ZNF536: variants seen among roughly 807,000 people sequenced by gnomAD.
ZNF536 encodes the protein zinc finger protein 536.
ZNF536 carries 13 observed loss-of-function variants against 84.5 expected under a neutral mutation model. The observed-to-expected ratio is 0.15, with a 90% CI of 0.10 to 0.24. ZNF536 has a LOEUF of 0.24. Among genes scored for constraint, ZNF536 ranks in the 10% least tolerant of loss-of-function variants. The probability of loss-of-function intolerance (pLI) is 1.00; values close to 1 mark genes in which losing one functional copy is unlikely to be tolerated. For missense variants in ZNF536, 1,536 were observed against 1,747.5 expected, an observed-to-expected ratio of 0.88 and a Z score of 2.16; for synonymous variants, 811 against 742.5, an observed-to-expected ratio of 1.09 and a Z score of -1.50.
chr19:30,384,652 T>C (rs564590144), intron 1 of ZNF536, among the ~76,000 whole-genome samples: 4 of 151,936 alleles, frequency 2.6e-5, no homozygotes, highest in Admixed American at 1.3e-4. Context: ...AGCATGAGGG[T>C]CAAAGGTCAT....
At chr19:30,521,156 A>G (rs2044305180) in intron 2 of ZNF536, among the ~76,000 whole-genome samples, 1 of 152,248 alleles carries the variant, frequency 6.6e-6, no homozygotes, top group Admixed American at 6.5e-5. Flanking sequence ...GTTTAGATTC[A>G]GACTTGGCTC....
chr19:30,479,357 C>G (rs570382424), intron 2 of ZNF536, among the ~76,000 whole-genome samples: 3 of 152,250 alleles, frequency 2.0e-5, no homozygotes, highest in Non-Finnish European at 4.4e-5. Context: ...TTCATTTTGT[C>G]CAAATTCCAC....
intron 1 of ZNF536, among the ~76,000 whole-genome samples, chr19:30,282,592 G>A (rs1465854381): frequency 6.6e-6 from 1 of 152,160 alleles, no homozygotes; most frequent in Non-Finnish European, 1.5e-5. Context: ...AAATCTGAGT[G>A]TGTCTCCCAT....
intron 1 of ZNF536, among the ~76,000 whole-genome samples, chr19:30,580,083 C>T (rs927991799): frequency 8.5e-5 from 13 of 152,302 alleles, no homozygotes; most frequent in African/African-American, 2.6e-4. Flanking sequence ...CTTGCTGGCT[C>T]CCTCCCTCAT....
rs570193280 is a variant in ZNF536, at chr19:30,243,357, T to A, written c.-190+14684T>A. 8.5e-5 allele frequency among the ~76,000 whole-genome samples: 13 copies of A among 152,320 alleles called. No individual in the cohort carries two copies. The South Asian group carries it at 2.7e-3, about 32-fold the overall frequency. On this transcript the variant is annotated intron_variant, in intron 1 of 5. Coordinates refer to the ZNF536 transcript ENST00000585628. ...TAGTTAGAACAATATTGTTCCCAAG[T>A]ACATAATAGATAGAGGTCTAAATTT...
chr19:30,560,049 T>A (rs1020408073), downstream of ZNF536, among the ~76,000 whole-genome samples: 1 of 151,958 alleles, frequency 6.6e-6, no homozygotes, highest in Non-Finnish European at 1.5e-5. Context: ...CCCATCCACC[T>A]CCTCCTCATC....
chr19:30,542,016 C>G (rs1295757421), intron 3 of ZNF536, among the ~76,000 whole-genome samples: 2 of 152,020 alleles, frequency 1.3e-5, no homozygotes, highest in East Asian at 3.8e-4. Flanking sequence ...TGGAGAAGGA[C>G]TAAATAAATA....
intron 1 of ZNF536, among the ~76,000 whole-genome samples, chr19:30,383,777 TTTC>T (rs1276172119): frequency 3.7e-5 from 3 of 80,142 alleles, no homozygotes; most frequent in Admixed American, 1.3e-4. Flanking sequence ...CTTTCTTTTC[TTTC>T]TTTCTTTCTT....
chr19:30,481,992 AT>A (rs1158072311), intron 2 of ZNF536, among the ~76,000 whole-genome samples: 2 of 152,164 alleles, frequency 1.3e-5, no homozygotes, highest in African/African-American at 4.8e-5. Flanking sequence ...TGCAAAAGAC[AT>A]TTGTTCCTTT....
chr19:30,436,095 G>A (rs893054476), intron 1 of ZNF536, among the ~76,000 whole-genome samples: 1 of 152,098 alleles, frequency 6.6e-6, no homozygotes, highest in Non-Finnish European at 1.5e-5. Context: ...TATTAAGCCA[G>A]CCCAGCCAAA....
chr19:30,696,819 C>A (rs2051680840), intron 1 of ZNF536, among the ~76,000 whole-genome samples: 1 of 152,146 alleles, frequency 6.6e-6, no homozygotes, highest in South Asian at 2.1e-4. Context: ...TGATGCCCTG[C>A]TGAAATCTGG....
intron 1 of ZNF536, among the ~76,000 whole-genome samples, chr19:30,654,305 G>C (rs2049821773): frequency 6.6e-6 from 1 of 152,054 alleles, no homozygotes; most frequent in Admixed American, 6.5e-5. Flanking sequence ...CAGTATTGGG[G>C]ATCATCACAA....
At chr19:30,503,410 C>T (rs2055029977) in intron 2 of ZNF536, among the ~76,000 whole-genome samples, 1 of 152,166 alleles carries the variant, frequency 6.6e-6, no homozygotes, top group African/African-American at 2.4e-5. Context: ...TAATGGAAAT[C>T]TTTGCAGCCA....
intron 1 of ZNF536, among the ~76,000 whole-genome samples, chr19:30,381,579 G>T (rs908083908): frequency 1.3e-5 from 2 of 152,196 alleles, no homozygotes; most frequent in African/African-American, 4.8e-5. Context: ...TGGAGGATTT[G>T]GGGCTGGAGC....
intron 2 of ZNF536, among the ~76,000 whole-genome samples, chr19:30,453,138 C>A (rs575785223): frequency 4.6e-5 from 7 of 152,276 alleles, no homozygotes; most frequent in East Asian, 1.9e-4. Context: ...CGCAGCCAGG[C>A]GCCATCTGGA....
intron 1 of ZNF536, among the ~76,000 whole-genome samples, chr19:30,623,443 T>C (rs1306930273): frequency 2.6e-5 from 4 of 152,224 alleles, no homozygotes; most frequent in African/African-American, 9.7e-5. Flanking sequence ...CCCCATGCAA[T>C]CTGGCTTGCC....
intron 1 of ZNF536, among the ~76,000 whole-genome samples, chr19:30,443,099 G>A (rs1221752041): frequency 6.8e-6 from 1 of 146,696 alleles, no homozygotes; most frequent in East Asian, 2.0e-4. Context: ...TCAGACTGGT[G>A]AATGTACTGA....
In ZNF536 at chr19:30,601,170, T is replaced by C. The variant is rs893248691; in HGVS notation, c.169+51656T>C. On this transcript the variant is annotated intron_variant, in intron 1 of 1. Transcript: ENST00000592773. ...GAGAGTTCACTTAAAAGGAAACTTT[T>C]ATTTGACATATGGGGAAACTGAGGA... Among the ~76,000 whole-genome samples, 9 of 152,300 alleles carry C rather than the reference T, an allele frequency of 5.9e-5. No homozygotes were observed. In the South Asian group the frequency reaches 8.3e-4, roughly 14 times the overall value.
At chr19:30,597,438 C>T (rs1182635568) in intron 1 of ZNF536, among the ~76,000 whole-genome samples, 1 of 152,206 alleles carries the variant, frequency 6.6e-6, no homozygotes, top group African/African-American at 2.4e-5. Flanking sequence ...AGTGAATGGG[C>T]TTCTATGGGC....
Sources: gnomAD v4.1 joint callset for allele counts (sites outside exome capture counted in the v4.1 genomes callset) on GRCh38, gnomAD v4.1.1 for gene constraint, MANE v1.5 for transcripts, NCBI Gene and HGNC (gene_info 2026-07-23, HGNC 2026-07-21) for gene names.